Variants in HIPK2 observed in about 807,000 individuals in gnomAD.
The protein encoded by HIPK2 is homeodomain-interacting protein kinase 2.
In HIPK2, 27 loss-of-function variants were observed where a neutral mutation model predicts 113.7. That is an observed-to-expected ratio of 0.24 (90% CI 0.17 to 0.33). HIPK2 has a LOEUF of 0.33. HIPK2 is among the 10% of genes least tolerant of loss of function. The pLI is 1.00. For missense variants in HIPK2, 1,257 were observed against 1,588.0 expected, an observed-to-expected ratio of 0.79 and a Z score of 3.54; for synonymous variants, 631 against 642.2, an observed-to-expected ratio of 0.98 and a Z score of 0.26.
At chr7:139,591,662 G>A (rs1197407660) in intron 12 of HIPK2, among the ~76,000 whole-genome samples, 1 of 152,240 alleles carries the variant, frequency 6.6e-6, no homozygotes, top group East Asian at 1.9e-4. Flanking sequence ...GCCCTGTAAA[G>A]AGGGTGTGGC....
rs747583311 is a variant in HIPK2 at position 139,716,605 on chromosome 7, C to G, written c.430G>C (p.Val144Leu). Residue 144 changes from valine (V) to leucine (L), a missense_variant, in exon 2 of 15, where the codon GTG becomes CTG. Around this residue, in one of 5 missense-constraint regions of HIPK2, gnomAD observed 209 missense variants for 237.8 expected, o/e 0.88. Transcript: ENST00000406875. This position sits in a 1 kb window ranked among gnomAD's most constrained non-coding sequence, Gnocchi z 9.3. Reference protein sequence around the residue: ...KSEEIENTSSVQIIEEHPPMI... With the variant: ...KSEEIENTSSLQIIEEHPPMI... Reference sequence around the variant, plus strand: ...GGTGGATGCTCCTCGATGATCTGCACGCTGCTTGTGTTCTCGATCTCCTCG... The same window carrying G: ...GGTGGATGCTCCTCGATGATCTGCAGGCTGCTTGTGTTCTCGATCTCCTCG... 1 of 1,613,980 alleles carries G rather than the reference C, an allele frequency of 6.2e-7. No homozygotes were observed. The highest frequency in any genetic ancestry group is 1.3e-5 in the African/African-American group (1 of 75,032).
Position 139,777,666 on chromosome 7 carries a change from A to G in HIPK2, c.-43T>C. On this transcript the variant is annotated 5_prime_UTR_variant, in exon 1 of 15. Transcript: ENST00000406875. The stretch of plus-strand genomic sequence containing the variant: ...CGGTTCATGGCAACGGGGACGGGAA[A>G]GCGGCGCGCGAGCTCGGCCCCCCCA... The G allele has an allele frequency of 2.8e-6, 3 of 1,074,342 alleles. No homozygotes were observed. Among genetic ancestry groups the G allele is most frequent in the East Asian group, 5.3e-5 (1 of 18,826 alleles). 66.6% of individuals were successfully genotyped at this position (1,074,342 alleles called of 1,614,324 possible).
At chr7:139,772,964 A>G (rs1408410071) in intron 1 of HIPK2, among the ~76,000 whole-genome samples, 1 of 151,998 alleles carries the variant, frequency 6.6e-6, no homozygotes, top group Non-Finnish European at 1.5e-5. Flanking sequence ...AGGAGAAGAA[A>G]AAATTCCATC....
At chr7:139,661,438 C>G (rs914136799) in intron 2 of HIPK2, among the ~76,000 whole-genome samples, 1 of 152,184 alleles carries the variant, frequency 6.6e-6, no homozygotes, top group African/African-American at 2.4e-5. Flanking sequence ...TTCAACATGG[C>G]AACCTTTTAC....
In HIPK2 at chr7:139,564,097, G is replaced by C. The variant is rs540600445; in HGVS notation, c.*8830C>G. The C allele has an allele frequency of 2.5e-6, 1 of 397,470 alleles. No homozygotes were observed. The highest frequency in any genetic ancestry group is 1.4e-4 in the South Asian group (1 of 7,040). The allele number at this position is 397,470 out of a possible 1,614,324, so 24.6% of individuals were successfully genotyped here. A position where few individuals can be genotyped will look rare whatever the true frequency, so the allele number is the denominator to read the frequency against. Reference sequence around the variant, plus strand: ...CTCCTGCTCAGCCCTGACCATCTCTGAGAGGATGCTAAGGTCCCCCTCCCA... The same window carrying C: ...CTCCTGCTCAGCCCTGACCATCTCTCAGAGGATGCTAAGGTCCCCCTCCCA... On this transcript the variant is annotated 3_prime_UTR_variant, in exon 15 of 15. Coordinates refer to ENST00000406875, the MANE Select transcript of HIPK2 (RefSeq NM_022740.5).
At chr7:139,695,670 A>G (rs1157995198) in intron 2 of HIPK2, among the ~76,000 whole-genome samples, 1 of 152,230 alleles carries the variant, frequency 6.6e-6, no homozygotes, top group Non-Finnish European at 1.5e-5. Context: ...GAAAGAACAC[A>G]CACTCAAGAT....
intron 2 of HIPK2, among the ~76,000 whole-genome samples, chr7:139,676,196 A>G (rs149060137): frequency 2.8e-4 from 42 of 152,190 alleles, no homozygotes; most frequent in Middle Eastern, 6.8e-3. Flanking sequence ...TGCTGCATCT[A>G]CTCATCTCTG....
Position 139,662,466 on chromosome 7 carries a change from A to T in HIPK2, c.1104-30741T>A, listed in dbSNP as rs191162810. Among the ~76,000 whole-genome samples the T allele has an allele frequency of 1.2e-3, 181 of 152,238 alleles. 1 individual carries two copies. The highest frequency in any genetic ancestry group is 2.2e-3 in the Non-Finnish European group (151 of 68,018). ...GTCTTTCTATCGTTGCTTATAAACC[A>T]CTTGCCAAAGAAATCCTGTAAGAAA... is the stretch of plus-strand genomic sequence containing the variant. On this transcript the variant is annotated intron_variant, in intron 2 of 14. Transcript: ENST00000406875.
chr7:139,582,453 G>T (rs139390648), intron 13 of HIPK2, among the ~76,000 whole-genome samples: 1,720 of 152,350 alleles, frequency 0.011, 26 homozygotes, highest in South Asian at 0.043. Context: ...CCACAGGAGC[G>T]CTGGCTCTGA....
chr7:139,682,156 C>A lies in HIPK2; in HGVS notation c.1103+33776G>T, dbSNP rs13438108. 7.9e-3 allele frequency among the ~76,000 whole-genome samples: 1,202 copies of A among 152,288 alleles called. 19 individuals are homozygous for A. The highest frequency in any genetic ancestry group is 0.027 in the African/African-American group (1,142 of 41,540). ...TTGCTTCCACTCCTCAGAAGGAAAACCCCCTCTATTGCCAAGCTGTTCAAT... is the reference window on the plus strand; with the variant it reads ...TTGCTTCCACTCCTCAGAAGGAAAAACCCCTCTATTGCCAAGCTGTTCAAT... On this transcript the variant is annotated intron_variant, in intron 2 of 14. Transcript: ENST00000406875.
chr7:139,666,738 C>T (rs111474544), intron 2 of HIPK2, among the ~76,000 whole-genome samples: 8 of 152,250 alleles, frequency 5.3e-5, no homozygotes, highest in African/African-American at 1.4e-4. Context: ...TAGACAACTT[C>T]GTAACAACAT....
Position 139,705,526 on chromosome 7 carries a change from A to G in HIPK2, c.1103+10406T>C, listed in dbSNP as rs553851413. On this transcript the variant is annotated intron_variant, in intron 2 of 14. Coordinates refer to ENST00000406875, the MANE Select transcript of HIPK2 (RefSeq NM_022740.5). ...TGAGTAGCTGGGACTACAGGCACCCACCAACACGCCCAGCTGATTTTTTGG... is the reference window on the plus strand; with the variant it reads ...TGAGTAGCTGGGACTACAGGCACCCGCCAACACGCCCAGCTGATTTTTTGG... Among the ~76,000 whole-genome samples the G allele has an allele frequency of 4.6e-5, 7 of 152,142 alleles. No individual in the cohort carries two copies. In the South Asian group the frequency reaches 1.5e-3, roughly 32 times the overall value.
intron 1 of HIPK2, among the ~76,000 whole-genome samples, chr7:139,770,477 G>A (rs1055339420): frequency 1.3e-5 from 2 of 152,160 alleles, no homozygotes; most frequent in African/African-American, 4.8e-5. Context: ...GATTCCATAG[G>A]TTGAATCAAC....
At chr7:139,722,104 C>A (rs911855961) in intron 1 of HIPK2, 1 of 401,860 alleles carries the variant, frequency 2.5e-6, no homozygotes, top group African/African-American at 2.1e-5. Flanking sequence ...TACACAGACA[C>A]GAGTTCATGT....
intron 2 of HIPK2, among the ~76,000 whole-genome samples, chr7:139,678,149 T>C (rs969727892): frequency 9.2e-5 from 14 of 152,154 alleles, no homozygotes; most frequent in Non-Finnish European, 1.9e-4. Context: ...GATTGCAAAA[T>C]TTTTCTCCCA....
chr7:139,662,978 C>T (rs141747921), intron 2 of HIPK2, among the ~76,000 whole-genome samples: 333 of 152,318 alleles, frequency 2.2e-3, no homozygotes, highest in African/African-American at 7.7e-3. Context: ...CTATCCAAGT[C>T]CTGTCTCTGA....
At chr7:139,707,428 T>G (rs1260317341) in intron 2 of HIPK2, among the ~76,000 whole-genome samples, 2 of 152,254 alleles carry the variant, frequency 1.3e-5, no homozygotes, top group Non-Finnish European at 2.9e-5. Flanking sequence ...CTGTCTGCAC[T>G]GCTGCGACGC....
chr7:139,680,006 T>C (rs1196868784), intron 2 of HIPK2, among the ~76,000 whole-genome samples: 3 of 152,066 alleles, frequency 2.0e-5, no homozygotes, highest in Non-Finnish European at 2.9e-5. Flanking sequence ...GCTGCAAATG[T>C]ATGCAAAGGA....
intron 1 of HIPK2, among the ~76,000 whole-genome samples, chr7:139,727,935 AT>A (rs10524758): frequency 0.24 from 27,991 of 115,410 alleles, 2,105 homozygotes; most frequent in East Asian, 0.47. Flanking sequence ...GCATTGGCTA[AT>A]TTTTTTTTTT....
Sources: gnomAD v4.1 joint callset for allele counts (sites outside exome capture counted in the v4.1 genomes callset) on GRCh38, gnomAD v4.1.1 for gene constraint, gnomAD v4.1.1 regional missense constraint, Gnocchi (gnomAD v3.1) non-coding constraint, MANE v1.5 for transcripts, NCBI Gene and HGNC (gene_info 2026-07-23, HGNC 2026-07-21) for gene names.